USP19: variants seen among roughly 807,000 people sequenced by gnomAD.
USP19 encodes ubiquitin carboxyl-terminal hydrolase 19.
A neutral mutation model predicts 144.8 loss-of-function variants in USP19; 40 were observed. The ratio of observed to expected loss-of-function variants is 0.28; its 90% confidence interval spans 0.21 to 0.36. The LOEUF (loss-of-function observed/expected upper bound fraction) is 0.36, where lower values mean the gene tolerates loss of function less well. USP19 is among the 10% of genes least tolerant of loss of function. The pLI is 1.00. For missense variants in USP19, 1,518 were observed against 1,822.5 expected, an observed-to-expected ratio of 0.83 and a Z score of 3.04; for synonymous variants, 701 against 709.3, an observed-to-expected ratio of 0.99 and a Z score of 0.19.
rs2043015145 is a variant in USP19 at position 49,110,702 on chromosome 3, A to C, written c.3698+9T>G. 1.2e-5 allele frequency: 20 copies of C among 1,613,584 alleles called. No individual in the cohort carries two copies. The highest frequency in any genetic ancestry group is 1.4e-5 in the Non-Finnish European group (17 of 1,179,762). Reference sequence around the variant, plus strand: ...ACCCCACCCACAGTTACCAAGGTCCACTGCTTACCTAACAGGGAACTCCAC... The same window carrying C: ...ACCCCACCCACAGTTACCAAGGTCCCCTGCTTACCTAACAGGGAACTCCAC... On this transcript the variant is annotated intron_variant, in intron 24 of 26. Transcript: ENST00000417901. This position sits in a 1 kb window ranked among gnomAD's most constrained non-coding sequence, Gnocchi z 6.1.
chr3:49,109,100 T>G (rs543031691), intron 26 of USP19: 3 of 1,585,092 alleles, frequency 1.9e-6, no homozygotes, highest in Non-Finnish European at 2.6e-6. Context: ...GCCCACCCAG[T>G]CTTGGGGCCC....
intron 26 of USP19, chr3:49,109,961 G>A: frequency 2.2e-6 from 1 of 451,020 alleles, no homozygotes; most frequent in Non-Finnish European, 3.7e-6. Flanking sequence ...GTGCCAATGT[G>A]CTTGCCAGTG....
intron 26 of USP19, chr3:49,109,086 G>A: frequency 6.3e-7 from 1 of 1,599,948 alleles, no homozygotes; most frequent in Non-Finnish European, 8.5e-7. Context: ...CCACGTGGTA[G>A]GGGGCCCACC....
Position 49,112,775 on chromosome 3 carries a change from G to T in USP19, c.2506-146C>A. The T allele has an allele frequency of 8.4e-7, 1 of 1,197,418 alleles. No homozygotes were observed. Among genetic ancestry groups the T allele is most frequent in the Non-Finnish European group, 1.1e-6 (1 of 880,792 alleles). 74.2% of individuals were successfully genotyped at this position (1,197,418 alleles called of 1,614,324 possible). A position where few individuals can be genotyped will look rare whatever the true frequency, so the allele number is the denominator to read the frequency against. On this transcript the variant is annotated intron_variant, in intron 17 of 26. Coordinates refer to ENST00000417901, the MANE Select transcript of USP19 (RefSeq NM_001199161.2). This position sits in a 1 kb window ranked among gnomAD's most constrained non-coding sequence, Gnocchi z 4.9. Reference sequence around the variant, plus strand: ...CCCAAATAGGCTTATGCCTCTGCTGGCACCTGTCTCAGTGCCCAATGCCAT... The same window carrying T: ...CCCAAATAGGCTTATGCCTCTGCTGTCACCTGTCTCAGTGCCCAATGCCAT...
rs951051715 is a variant in USP19 at position 49,108,788 on chromosome 3, G to A, written c.4039-260C>T. 9.9e-5 allele frequency: 140 copies of A among 1,415,944 alleles called. No individual in the cohort carries two copies. Among genetic ancestry groups the A allele is most frequent in the Non-Finnish European group, 1.2e-4 (133 of 1,088,284 alleles). 87.7% of individuals were successfully genotyped at this position (1,415,944 alleles called of 1,614,324 possible). On this transcript the variant is annotated intron_variant, in intron 26 of 26. Coordinates refer to ENST00000417901, the MANE Select transcript of USP19 (RefSeq NM_001199161.2). The surrounding 1 kb of genome is among the most constrained non-coding windows in gnomAD (Gnocchi z 4.8). ...AGGATGAATGGACAGACAGCCAGAT[G>A]GATACACACCCTAGGATACTCTGCC...
Position 49,115,309 on chromosome 3 carries a change from C to A in USP19, c.1941G>T (p.Gly647=), listed in dbSNP as rs755382931. ...GCACGGCAAAGCCAATGGCCAGACG[C>A]CCACCAGTCCCTAGTGGGTTGTTGT... is the stretch of plus-strand genomic sequence containing the variant. ...INYNNPLGTG[G]RLAIGFAVLL... is the part of the protein sequence containing the mutation. The change falls in exon 13 of 27, where the codon GGG becomes GGT. Residue 647 remains glycine (G), a synonymous_variant. Transcript: ENST00000417901. The surrounding 1 kb of genome is among the most constrained non-coding windows in gnomAD (Gnocchi z 6.6). 7.4e-6 allele frequency: 12 copies of A among 1,614,050 alleles called. No individual in the cohort carries two copies. In the South Asian group the frequency reaches 1.1e-4, roughly 15 times the overall value.
rs1286865606 is a variant in USP19 at position 49,111,588 on chromosome 3, G to A, written c.3129C>T (p.Ser1043=). 1 of 1,613,032 alleles carries A rather than the reference G, an allele frequency of 6.2e-7. No homozygotes were observed. The highest frequency in any genetic ancestry group is 1.7e-5 in the Admixed American group (1 of 59,988). ...WAAPDRGPVP[S]TSGISSEMLA... The stretch of plus-strand genomic sequence containing the variant: ...GCATCTCAGAAGAAATTCCACTGGT[G>A]CTGGGCACAGGACCCCGGTCAGGGG... Residue 1043 remains serine, a synonymous_variant, in exon 21 of 27, where the codon AGC becomes AGT. Coordinates refer to ENST00000417901, the MANE Select transcript of USP19 (RefSeq NM_001199161.2). The surrounding 1 kb of genome is among the most constrained non-coding windows in gnomAD (Gnocchi z 5.9).
At position 49,117,858 on chromosome 3, in the gene USP19, C is replaced by A. The variant is rs1354128154; in HGVS notation, c.299-28G>T. ...GATGGTGATAAGCAGGTAACAGAGA[C>A]CCAGCCTAATGAAACTGCTTCAGAT... On this transcript the variant is annotated intron_variant, in intron 3 of 26. Transcript: ENST00000417901. The surrounding 1 kb of genome is among the most constrained non-coding windows in gnomAD (Gnocchi z 4.4). 2 of 1,613,806 alleles carry A rather than the reference C, an allele frequency of 1.2e-6. No individual in the cohort carries two copies. Among genetic ancestry groups the A allele is most frequent in the Admixed American group, 1.7e-5 (1 of 59,932 alleles).
intron 26 of USP19, chr3:49,109,125 G>A: frequency 1.3e-6 from 2 of 1,547,416 alleles, no homozygotes; most frequent in Non-Finnish European, 1.7e-6. Context: ...GGACCCAGGG[G>A]CCCAGACCCC....
Position 49,108,442 on chromosome 3 carries a change from G to T in USP19, c.4125C>A (p.Pro1375=). ...CCACCTCCTCCATGTTGCTGTAGGT[G>T]GGGGCTGGCCGATCCACAGGGGGGG... is the stretch of plus-strand genomic sequence containing the variant. The part of the protein sequence containing the change: ...RFAPPVDRPA[P]TYSNMEEVD Residue 1375 remains proline, a synonymous_variant, in exon 27 of 27, where the codon CCC becomes CCA. Transcript: ENST00000417901. The surrounding 1 kb of genome is among the most constrained non-coding windows in gnomAD (Gnocchi z 4.8). The T allele has an allele frequency of 7.2e-7, 1 of 1,382,114 alleles. No homozygotes were observed. The highest frequency in any genetic ancestry group is 1.6e-5 in the South Asian group (1 of 62,640). 85.6% of individuals were successfully genotyped at this position (1,382,114 alleles called of 1,614,324 possible).
In USP19 at chr3:49,108,368, T is replaced by G; in HGVS notation, c.*44A>C. ...GAAGCGGCAAGGAGCTGGCCCTCTG[T>G]GTGGGTGTCCCAAACCCAGTCCCCC... On this transcript the variant is annotated 3_prime_UTR_variant, in exon 27 of 27. Transcript: ENST00000417901. This position sits in a 1 kb window ranked among gnomAD's most constrained non-coding sequence, Gnocchi z 4.8. 1.4e-6 allele frequency: 1 copy of G among 739,060 alleles called. No individual in the cohort carries two copies. Among genetic ancestry groups the G allele is most frequent in the East Asian group, 3.7e-5 (1 of 26,814 alleles). 45.8% of individuals were successfully genotyped at this position (739,060 alleles called of 1,614,324 possible).
chr3:49,117,507 G>T lies in USP19; in HGVS notation c.536C>A (p.Thr179Asn). 4 of 1,614,124 alleles carry T rather than the reference G, an allele frequency of 2.5e-6. No individual in the cohort carries two copies. The highest frequency in any genetic ancestry group is 3.4e-6 in the Non-Finnish European group (4 of 1,180,044). Residue 179 changes from threonine (T) to asparagine (N), a missense_variant, in exon 5 of 27, where the codon ACC (threonine) becomes AAC (asparagine). Coordinates refer to ENST00000417901, the MANE Select transcript of USP19 (RefSeq NM_001199161.2). The surrounding 1 kb of genome is among the most constrained non-coding windows in gnomAD (Gnocchi z 4.4). ...EIKSSCAKVQ[T>N]RKGSLLHLTL... is the part of the protein sequence containing the mutation. Reference sequence around the variant, plus strand: ...CAGGTGCAGGAGACTGCCCTTGCGGGTTTGCACTTTAGCACAAGAGCTTTT... The same window carrying T: ...CAGGTGCAGGAGACTGCCCTTGCGGTTTTGCACTTTAGCACAAGAGCTTTT...
At position 49,108,551 on chromosome 3, in the gene USP19, G is replaced by A; in HGVS notation, c.4039-23C>T. 1.6e-6 allele frequency: 2 copies of A among 1,240,190 alleles called. No homozygotes were observed. Among genetic ancestry groups the A allele is most frequent in the Non-Finnish European group, 2.1e-6 (2 of 968,802 alleles). 76.8% of individuals were successfully genotyped at this position (1,240,190 alleles called of 1,614,324 possible). On this transcript the variant is annotated intron_variant, in intron 26 of 26. Coordinates refer to ENST00000417901, the MANE Select transcript of USP19 (RefSeq NM_001199161.2). The surrounding 1 kb of genome is among the most constrained non-coding windows in gnomAD (Gnocchi z 4.8). Reference sequence around the variant, plus strand: ...TCCCTGCAACAGAATACGAGGACAGGGGTTGGGGGCTGCCCAGCATGCCGC... The same window carrying A: ...TCCCTGCAACAGAATACGAGGACAGAGGTTGGGGGCTGCCCAGCATGCCGC...
At position 49,111,322 on chromosome 3, in the gene USP19, G is replaced by C. The variant is rs1267278768; in HGVS notation, c.3261C>G (p.Ala1087=). ...GYQHPSEAMN[A]HTPQFFIYKI... ...TATAGATGAAGAACTGGGGTGTGTG[G>C]GCATTCATAGCTTCACTTGGATGCT... The change falls in exon 22 of 27, where the codon GCC becomes GCG. Residue 1087 remains alanine, a synonymous_variant. Coordinates refer to ENST00000417901, the MANE Select transcript of USP19 (RefSeq NM_001199161.2). This position sits in a 1 kb window ranked among gnomAD's most constrained non-coding sequence, Gnocchi z 5.9. The C allele has an allele frequency of 6.2e-6, 10 of 1,614,132 alleles. No homozygotes were observed. Among genetic ancestry groups the C allele is most frequent in the Admixed American group, 1.7e-5 (1 of 60,014 alleles).
rs576323873 is a variant in USP19 at position 49,118,204 on chromosome 3, G to A, written c.125-84C>T. On this transcript the variant is annotated intron_variant, in intron 2 of 26. Transcript: ENST00000417901. ...TGCTTGAGCCCAGGACTTTGAGGAT[G>A]CAGTAAGCTACGATCACACCTGCAC... 1.6e-4 allele frequency: 93 copies of A among 592,478 alleles called. 2 individuals carry two copies. Among genetic ancestry groups the A allele is most frequent in the Middle Eastern group, 1.4e-3 (3 of 2,186 alleles). 36.7% of individuals were successfully genotyped at this position (592,478 alleles called of 1,614,324 possible).
chr3:49,112,761 T>C lies in USP19; in HGVS notation c.2506-132A>G. On this transcript the variant is annotated intron_variant, in intron 17 of 26. Coordinates refer to ENST00000417901, the MANE Select transcript of USP19 (RefSeq NM_001199161.2). The surrounding 1 kb of genome is among the most constrained non-coding windows in gnomAD (Gnocchi z 4.9). Reference sequence around the variant, plus strand: ...GTGAGGTCTGTAGGCCCAAATAGGCTTATGCCTCTGCTGGCACCTGTCTCA... The same window carrying C: ...GTGAGGTCTGTAGGCCCAAATAGGCCTATGCCTCTGCTGGCACCTGTCTCA... The C allele has an allele frequency of 1.6e-6, 2 of 1,278,376 alleles. No individual in the cohort carries two copies. Among genetic ancestry groups the C allele is most frequent in the Non-Finnish European group, 2.1e-6 (2 of 948,778 alleles). The allele number at this position is 1,278,376 out of a possible 1,614,324, so 79.2% of individuals were successfully genotyped here.
Position 49,108,839 on chromosome 3 carries a change from C to G in USP19, c.4039-311G>C. On this transcript the variant is annotated intron_variant, in intron 26 of 26. Transcript: ENST00000417901. The surrounding 1 kb of genome is among the most constrained non-coding windows in gnomAD (Gnocchi z 4.8). ...CCTGCAGGGGCCACAACCTCCCCACCCTCTCCCACCAGATGCATAAGCTGA... is the reference window on the plus strand; with the variant it reads ...CCTGCAGGGGCCACAACCTCCCCACGCTCTCCCACCAGATGCATAAGCTGA... 4 of 1,453,550 alleles carry G rather than the reference C, an allele frequency of 2.8e-6. No homozygotes were observed. The highest frequency in any genetic ancestry group is 3.6e-6 in the Non-Finnish European group (4 of 1,101,800). 90.0% of individuals were successfully genotyped at this position (1,453,550 alleles called of 1,614,324 possible).
At position 49,111,278 on chromosome 3, in the gene USP19, C is replaced by T. The variant is rs775698150; in HGVS notation, c.3305G>A (p.Arg1102Gln). 17 of 1,614,196 alleles carry T rather than the reference C, an allele frequency of 1.1e-5. No homozygotes were observed. The highest frequency in any genetic ancestry group is 1.6e-4 in the Middle Eastern group (1 of 6,062). ...FFIYKIDSSN[R>Q]EQRLEDKGDT... The stretch of plus-strand genomic sequence containing the variant: ...ACCTTTGTCCTCTAGCCGCTGCTCT[C>T]GGTTGGATGAATCAATTTTATAGAT... The change falls in exon 22 of 27, where the codon CGA (arginine) becomes CAA (glutamine). Residue 1102 changes from arginine (R) to glutamine (Q), a missense_variant. Coordinates refer to ENST00000417901, the MANE Select transcript of USP19 (RefSeq NM_001199161.2). The surrounding 1 kb of genome is among the most constrained non-coding windows in gnomAD (Gnocchi z 5.9).
Position 49,108,835 on chromosome 3 carries a change from C to T in USP19, c.4039-307G>A. The T allele has an allele frequency of 6.9e-7, 1 of 1,451,844 alleles. No individual in the cohort carries two copies. The highest frequency in any genetic ancestry group is 9.1e-7 in the Non-Finnish European group (1 of 1,100,902). The allele number at this position is 1,451,844 out of a possible 1,614,324, so 89.9% of individuals were successfully genotyped here. ...TGCCCCTGCAGGGGCCACAACCTCC[C>T]CACCCTCTCCCACCAGATGCATAAG... On this transcript the variant is annotated intron_variant, in intron 26 of 26. Coordinates refer to ENST00000417901, the MANE Select transcript of USP19 (RefSeq NM_001199161.2). The surrounding 1 kb of genome is among the most constrained non-coding windows in gnomAD (Gnocchi z 4.8).
Sources: allele counts gnomAD v4.1 joint callset, GRCh38; gene constraint gnomAD v4.1.1; non-coding constraint Gnocchi (gnomAD v3.1); transcripts MANE v1.5; gene names NCBI Gene and HGNC (gene_info 2026-07-23, HGNC 2026-07-21).